The following CACNA2D3 variants were observed in gnomAD, a reference collection of about 807,000 sequenced individuals.
CACNA2D3 encodes voltage-dependent calcium channel subunit alpha-2/delta-3.
CACNA2D3 carries 60 observed loss-of-function variants against 160.6 expected under a neutral mutation model. The ratio of observed to expected loss-of-function variants is 0.37; its 90% CI spans 0.30 to 0.46. The LOEUF is 0.46. Among genes scored for constraint, CACNA2D3 ranks in the 20% least tolerant of loss-of-function variants. The probability of loss-of-function intolerance (pLI) is 1.00; values close to 1 mark genes in which losing one functional copy is unlikely to be tolerated. For missense variants in CACNA2D3, 1,205 were observed against 1,365.0 expected (o/e 0.88, Z 1.85); for synonymous variants, 558 against 492.9 (o/e 1.13, Z -1.75).
At chr3:54,843,238 G>T (rs1698860830) in intron 16 of CACNA2D3, among the ~76,000 whole-genome samples, 2 of 152,156 alleles carry the variant, frequency 1.3e-5, no homozygotes, top group Admixed American at 1.3e-4. Context: ...TAGGATTACA[G>T]GCATGAGCTA....
At chr3:55,024,182 T>C (rs1703516810) in intron 35 of CACNA2D3, among the ~76,000 whole-genome samples, 1 of 147,892 alleles carries the variant, frequency 6.8e-6, no homozygotes, top group Admixed American at 7.0e-5. Context: ...TTATTCACTC[T>C]TTGACCTTGG....
chr3:54,956,955 T>G (rs1701913164), intron 27 of CACNA2D3, among the ~76,000 whole-genome samples: 1 of 152,120 alleles, frequency 6.6e-6, no homozygotes, highest in Admixed American at 6.5e-5. Context: ...AGTAGGAGAC[T>G]TGAGGCCCAT....
At chr3:54,918,184 G>A in intron 27 of CACNA2D3, 1 of 348,064 alleles carries the variant, frequency 2.9e-6, no homozygotes, top group South Asian at 4.3e-5. Flanking sequence ...CCCTTTCTCT[G>A]TGTGTGTCTT....
chr3:54,471,331 T>C (rs191341279), intron 4 of CACNA2D3, among the ~76,000 whole-genome samples: 1 of 152,236 alleles, frequency 6.6e-6, no homozygotes, highest in East Asian at 1.9e-4. Context: ...AAGGCAGAAA[T>C]ATATAAGTTC....
intron 34 of CACNA2D3, among the ~76,000 whole-genome samples, chr3:55,015,338 A>G (rs1188180137): frequency 6.6e-6 from 1 of 152,192 alleles, no homozygotes; most frequent in Non-Finnish European, 1.5e-5. Flanking sequence ...TTTTTCCTCC[A>G]TTCACCATCT....
intron 35 of CACNA2D3, among the ~76,000 whole-genome samples, chr3:55,068,047 C>G (rs970704881): frequency 1.3e-5 from 2 of 152,218 alleles, no homozygotes; most frequent in Non-Finnish European, 2.9e-5. Flanking sequence ...CCCTTGTCTC[C>G]ACCCTCTCCT....
At chr3:54,238,474 T>G (rs1701921861) in intron 2 of CACNA2D3, among the ~76,000 whole-genome samples, 3 of 152,234 alleles carry the variant, frequency 2.0e-5, no homozygotes, top group African/African-American at 7.2e-5. Flanking sequence ...TAGAAAAACT[T>G]GAGAGATTAA....
chr3:54,554,890 T>TTTTTTTTTTTTTTTTTG (rs1702219178), intron 5 of CACNA2D3, among the ~76,000 whole-genome samples: 1 of 90,050 alleles, frequency 1.1e-5, no homozygotes, highest in African/African-American at 4.2e-5. Flanking sequence ...TTTTTTTTTT[T>TTTTTTTTTTTTTTTTTG]TGGAGACAAG....
intron 35 of CACNA2D3, among the ~76,000 whole-genome samples, chr3:55,022,556 TTC>T: frequency 8.6e-6 from 1 of 116,088 alleles, no homozygotes; most frequent in Non-Finnish European, 1.7e-5. Flanking sequence ...CTTTCCTTCC[TTC>T]TTTCTTTCTT....
At chr3:54,852,180 G>T (rs1032093218) in intron 17 of CACNA2D3, among the ~76,000 whole-genome samples, 1 of 152,222 alleles carries the variant, frequency 6.6e-6, no homozygotes, top group African/African-American at 2.4e-5. Flanking sequence ...CAGTGTCCAG[G>T]AGTGGAAGTG....
chr3:54,982,710 A>G (rs1228555613), intron 29 of CACNA2D3, among the ~76,000 whole-genome samples: 25 of 149,932 alleles, frequency 1.7e-4, no homozygotes, highest in Non-Finnish European at 1.2e-4. Flanking sequence ...GCCCATTTTT[A>G]TGTTTTTTTT....
intron 2 of CACNA2D3, among the ~76,000 whole-genome samples, chr3:54,280,169 C>T (rs551881052): frequency 6.6e-6 from 1 of 152,170 alleles, no homozygotes; most frequent in African/African-American, 2.4e-5. Flanking sequence ...ACAAGCTCTG[C>T]CTCCTGGGTT....
chr3:54,213,586 G>A (rs1231715994), intron 2 of CACNA2D3, among the ~76,000 whole-genome samples: 1 of 152,214 alleles, frequency 6.6e-6, no homozygotes, highest in Non-Finnish European at 1.5e-5. Context: ...TTGCTCAAGG[G>A]ATGGTGGCTG....
intron 31 of CACNA2D3, among the ~76,000 whole-genome samples, chr3:55,000,500 C>T (rs1175532960): frequency 9.9e-5 from 15 of 152,176 alleles, no homozygotes; most frequent in African/African-American, 2.9e-4. Context: ...AGGAAACCAC[C>T]ATGGCACATG....
intron 3 of CACNA2D3, among the ~76,000 whole-genome samples, chr3:54,336,783 A>G (rs1371999930): frequency 1.3e-5 from 2 of 152,180 alleles, no homozygotes; most frequent in African/African-American, 4.8e-5. Context: ...AGCAACCCAC[A>G]CTGATCTTGA....
intron 35 of CACNA2D3, among the ~76,000 whole-genome samples, chr3:55,064,899 G>C (rs1704600750): frequency 6.6e-6 from 1 of 152,154 alleles, no homozygotes; most frequent in Non-Finnish European, 1.5e-5. Flanking sequence ...TTATGGGGAT[G>C]GGGGCAGGGG....
chr3:54,852,817 A>G (rs1699086886), intron 17 of CACNA2D3, among the ~76,000 whole-genome samples: 1 of 152,214 alleles, frequency 6.6e-6, no homozygotes, highest in South Asian at 2.1e-4. Context: ...CTAACTAGAC[A>G]GTGCACATCA....
chr3:54,866,751 G>T (rs992904287), intron 17 of CACNA2D3, among the ~76,000 whole-genome samples: 5 of 152,154 alleles, frequency 3.3e-5, no homozygotes, highest in African/African-American at 1.2e-4. Context: ...ACGCAAAGGG[G>T]TGCTGGTATC....
intron 4 of CACNA2D3, among the ~76,000 whole-genome samples, chr3:54,486,491 G>A (rs968509321): frequency 2.8e-4 from 43 of 152,254 alleles, no homozygotes; most frequent in African/African-American, 9.6e-4. Context: ...GGAATGTATT[G>A]ACTCACTAAT....
Sources: gnomAD v4.1 joint callset for allele counts (sites outside exome capture counted in the v4.1 genomes callset) on GRCh38, gnomAD v4.1.1 for gene constraint, MANE v1.5 for transcripts, NCBI Gene and HGNC (gene_info 2026-07-23, HGNC 2026-07-21) for gene names.